The following XXYLT1 variants were observed in gnomAD, a reference collection of about 807,000 sequenced individuals.
The protein encoded by XXYLT1 is xyloside xylosyltransferase 1, also known as UDP-xylose:alpha-xyloside alpha-1,3-xylosyltransferase.
Under a neutral mutation model 28.9 loss-of-function variants are expected in XXYLT1, and 20 were observed. That is an observed-to-expected ratio of 0.69 (90% CI 0.49 to 1.00). XXYLT1 has a LOEUF of 1.00. Among genes scored for constraint, XXYLT1 ranks in the 50% least tolerant of loss-of-function variants. XXYLT1 has a pLI of 0.00. For missense variants in XXYLT1, 542 were observed against 560.1 expected (o/e 0.97, Z 0.33); for synonymous variants, 257 against 253.8 (o/e 1.01, Z -0.12).
chr3:195,075,839 G>C (rs1715081412), intron 3 of XXYLT1, among the ~76,000 whole-genome samples: 1 of 152,234 alleles, frequency 6.6e-6, no homozygotes, highest in Admixed American at 6.5e-5. Context: ...CCCAGAACTT[G>C]GAAGGGGCAA....
chr3:195,252,979 G>GC (rs1725332530), intron 1 of XXYLT1, among the ~76,000 whole-genome samples: 2 of 152,224 alleles, frequency 1.3e-5, no homozygotes. Context: ...TCCAAATTAG[G>GC]CCTGCAAGAA....
chr3:195,240,541 C>T lies in XXYLT1; in HGVS notation c.505-13685G>A, dbSNP rs1226297615. ...ACTCCTGAGCCAAGAAGGCACGTGG[C>T]AAGGGCTGGCCCCACGCACGGAAAG... On this transcript the variant is annotated intron_variant, in intron 1 of 3. Coordinates refer to ENST00000310380, the MANE Select transcript of XXYLT1 (RefSeq NM_152531.5). This position sits in a 1 kb window ranked among gnomAD's most constrained non-coding sequence, Gnocchi z 4.7. Among the ~76,000 whole-genome samples, 1 of 152,274 alleles carries T rather than the reference C, an allele frequency of 6.6e-6. No homozygotes were observed. The highest frequency in any genetic ancestry group is 1.5e-5 in the Non-Finnish European group (1 of 68,050).
chr3:195,221,299 C>G (rs147869810), intron 2 of XXYLT1, among the ~76,000 whole-genome samples: 1 of 152,340 alleles, frequency 6.6e-6, no homozygotes, highest in Non-Finnish European at 1.5e-5. Context: ...AAGCCCTCAG[C>G]ATTGGGTGGC....
rs1048178886 is a variant in XXYLT1 at position 195,124,422 on chromosome 3, G to A, written c.785+32027C>T. Among the ~76,000 whole-genome samples, 25 of 152,322 alleles carry A rather than the reference G, an allele frequency of 1.6e-4. No homozygotes were observed. The highest frequency in any genetic ancestry group is 6.2e-4 in the South Asian group (3 of 4,824). ...CTCACCTGGAAGGGAAATGGTTTGC[G>A]ATGGCAGCATGAGAGAGCTCTGGGG... On this transcript the variant is annotated intron_variant, in intron 3 of 3. Transcript: ENST00000310380. The surrounding 1 kb of genome is among the most constrained non-coding windows in gnomAD (Gnocchi z 4.1).
chr3:195,182,223 A>C (rs1424027511), intron 2 of XXYLT1, among the ~76,000 whole-genome samples: 1 of 152,124 alleles, frequency 6.6e-6, no homozygotes, highest in African/African-American at 2.4e-5. Flanking sequence ...CCGCCTTCCT[A>C]CCTTATATGG....
At chr3:195,223,380 C>T (rs1723913035) in intron 2 of XXYLT1, among the ~76,000 whole-genome samples, 1 of 152,180 alleles carries the variant, frequency 6.6e-6, no homozygotes, top group Non-Finnish European at 1.5e-5. Context: ...AGGAGGAACT[C>T]AGAGGAGCAC....
intron 2 of XXYLT1, among the ~76,000 whole-genome samples, chr3:195,221,970 C>T (rs965301471): frequency 2.0e-5 from 3 of 152,164 alleles, no homozygotes; most frequent in African/African-American, 7.2e-5. Context: ...CAGCATGTCC[C>T]GCCTGGCAGG....
intron 3 of XXYLT1, 95 bp from the exon 4 acceptor site, chr3:195,070,206 A>C: frequency 6.9e-7 from 1 of 1,446,340 alleles, no homozygotes; most frequent in South Asian, 1.4e-5. Context: ...GCATGCAAAC[A>C]CTGCCACATT....
intron 1 of XXYLT1, among the ~76,000 whole-genome samples, chr3:195,247,273 T>C (rs1725062849): frequency 6.6e-6 from 1 of 152,170 alleles, no homozygotes; most frequent in South Asian, 2.1e-4. Context: ...TCGGTCACAG[T>C]CCACGTATTC....
At chr3:195,268,953 G>A (rs746738957) in intron 1 of XXYLT1, among the ~76,000 whole-genome samples, 4 of 152,210 alleles carry the variant, frequency 2.6e-5, no homozygotes, top group African/African-American at 7.2e-5. Context: ...CACCAGGGAA[G>A]TAGAAAAGGA....
chr3:195,146,377 G>A (rs1719848069), intron 3 of XXYLT1, among the ~76,000 whole-genome samples: 2 of 152,246 alleles, frequency 1.3e-5, no homozygotes, highest in Admixed American at 6.5e-5. Flanking sequence ...ATTTGGCATA[G>A]GAAACAGATT....
chr3:195,099,288 G>A (rs1032485878), intron 3 of XXYLT1, among the ~76,000 whole-genome samples: 2 of 152,158 alleles, frequency 1.3e-5, no homozygotes, highest in African/African-American at 2.4e-5. Flanking sequence ...GTGGACTCAC[G>A]TGTGGGGTAG....
intron 3 of XXYLT1, among the ~76,000 whole-genome samples, chr3:195,112,762 T>C (rs112204971): frequency 8.1e-5 from 6 of 74,372 alleles, no homozygotes; most frequent in Middle Eastern, 0.013. Flanking sequence ...AGTGCGCGCA[T>C]GCACACACAC....
intron 1 of XXYLT1, among the ~76,000 whole-genome samples, chr3:195,233,144 AT>A (rs1209940286): frequency 6.6e-6 from 1 of 151,694 alleles, no homozygotes; most frequent in Non-Finnish European, 1.5e-5. Context: ...CTCTTTTTAT[AT>A]TTTTTTCTTG....
chr3:195,136,330 C>A (rs1719199618), intron 3 of XXYLT1, among the ~76,000 whole-genome samples: 1 of 151,958 alleles, frequency 6.6e-6, no homozygotes. Context: ...CCACCCCGGC[C>A]CAAAAAAATA....
intron 2 of XXYLT1, among the ~76,000 whole-genome samples, chr3:195,186,685 G>A (rs920224073): frequency 3.3e-5 from 5 of 151,844 alleles, no homozygotes; most frequent in Non-Finnish European, 7.4e-5. Context: ...CCTTATTGCA[G>A]CTGTTCCCAT....
intron 3 of XXYLT1, among the ~76,000 whole-genome samples, chr3:195,110,836 GGT>G (rs1455827840): frequency 8.6e-5 from 4 of 46,526 alleles, no homozygotes; most frequent in African/African-American, 2.8e-4. Flanking sequence ...GTGTGTGTGT[GGT>G]GTGTTGTGTG....
intron 1 of XXYLT1, among the ~76,000 whole-genome samples, chr3:195,264,970 TC>T (rs1725797297): frequency 6.6e-6 from 1 of 151,440 alleles, no homozygotes; most frequent in South Asian, 2.1e-4. Context: ...GGCAGGAGGA[TC>T]CCCTAAGCCC....
chr3:195,140,911 T>C (rs915396011), intron 3 of XXYLT1, among the ~76,000 whole-genome samples: 1 of 152,152 alleles, frequency 6.6e-6, no homozygotes, highest in South Asian at 2.1e-4. Flanking sequence ...TTCGGGGGAT[T>C]TGGGGGAGTT....
Sources: allele counts gnomAD v4.1 joint callset (sites outside exome capture counted in the v4.1 genomes callset), GRCh38; gene constraint gnomAD v4.1.1; non-coding constraint Gnocchi (gnomAD v3.1); transcripts MANE v1.5; gene names NCBI Gene and HGNC (gene_info 2026-07-23, HGNC 2026-07-21).